Variants in TBC1D19 observed in about 807,000 individuals in gnomAD.
TBC1D19 encodes TBC1 domain family member 19, also known as TBC1 domain family, member 19.
A neutral mutation model predicts 89.0 loss-of-function variants in TBC1D19; 60 were observed. That is an observed-to-expected ratio of 0.67 (90% confidence interval 0.55 to 0.84). The LOEUF is 0.84. Ranked by LOEUF, TBC1D19 falls within the 40% of genes least tolerant of loss-of-function variation. The pLI, the probability that TBC1D19 is intolerant of heterozygous loss-of-function variation, is 0.00. For missense variants in TBC1D19, 500 were observed against 610.8 expected, an observed-to-expected ratio of 0.82 and a Z score of 1.91; for synonymous variants, 189 against 199.7, an observed-to-expected ratio of 0.95 and a Z score of 0.45.
the TBC1D19 span, among the ~76,000 whole-genome samples, chr4:26,769,722 T>G: frequency 1.3e-5 from 2 of 151,676 alleles, no homozygotes; most frequent in Non-Finnish European, 2.9e-5. Flanking sequence ...ATTTTTGTAT[T>G]TTTTTTGCAG....
At chr4:26,742,751 A>G (rs540118841) in intron 18 of TBC1D19, 152 bp downstream of exon 18, 1 of 515,422 alleles carries the variant, frequency 1.9e-6, no homozygotes, top group African/African-American at 2.0e-5. Context: ...AGTAAATTGT[A>G]ATAACATTGT....
At chr4:26,761,088 G>A (rs1719444410), downstream of TBC1D19, among the ~76,000 whole-genome samples, 2 of 152,084 alleles carry the variant, frequency 1.3e-5, no homozygotes, top group South Asian at 4.1e-4. Flanking sequence ...TTTCAATATT[G>A]CACTCTCTTG....
chr4:26,677,530 C>T (rs1303597646), intron 11 of TBC1D19, among the ~76,000 whole-genome samples: 1 of 152,056 alleles, frequency 6.6e-6, no homozygotes, highest in Non-Finnish European at 1.5e-5. Context: ...ACCATGTTAG[C>T]CAGGATGGTC....
intron 7 of TBC1D19, among the ~76,000 whole-genome samples, chr4:26,655,282 A>C (rs551832587): frequency 3.9e-5 from 6 of 152,314 alleles, no homozygotes; most frequent in Non-Finnish European, 5.9e-5. Context: ...GTCTGCCCCT[A>C]CTGGGGCGTG....
In TBC1D19 at chr4:26,727,526, A is replaced by G. The variant is rs150950019; in HGVS notation, c.1084+7401A>G. Among the ~76,000 whole-genome samples the G allele has an allele frequency of 3.8e-3, 586 of 152,364 alleles. 2 individuals carry two copies. Among genetic ancestry groups the G allele is most frequent in the African/African-American group, 0.011 (478 of 41,594 alleles). ...ATAAAATAGGTATGGGTTATTGAGC[A>G]TCTGCTATGGACTGAACACCACACT... is the stretch of plus-strand genomic sequence containing the variant. On this transcript the variant is annotated intron_variant, in intron 15 of 20. Transcript: ENST00000264866.
chr4:26,713,420 T>A (rs1577973763), intron 13 of TBC1D19, among the ~76,000 whole-genome samples: 2 of 152,094 alleles, frequency 1.3e-5, no homozygotes, highest in East Asian at 3.9e-4. Context: ...GCAATATTAA[T>A]GTAAGTTAAT....
At chr4:26,655,762 C>T (rs1377597191) in intron 7 of TBC1D19, among the ~76,000 whole-genome samples, 1 of 152,176 alleles carries the variant, frequency 6.6e-6, no homozygotes, top group African/African-American at 2.4e-5. Flanking sequence ...TTTCCTGGTG[C>T]CATCTGTCAC....
the TBC1D19 span, among the ~76,000 whole-genome samples, chr4:26,845,010 A>G: frequency 6.6e-6 from 1 of 152,228 alleles, no homozygotes; most frequent in Non-Finnish European, 1.5e-5. Context: ...CACTTATTAT[A>G]ACAGACCATT....
intron 4 of TBC1D19, among the ~76,000 whole-genome samples, chr4:26,627,291 G>A (rs914803174): frequency 6.6e-6 from 1 of 152,068 alleles, no homozygotes; most frequent in African/African-American, 2.4e-5. Flanking sequence ...GTCTATCATT[G>A]TTGGACATTT....
At chr4:26,650,428 C>T (rs1744282990) in intron 7 of TBC1D19, among the ~76,000 whole-genome samples, 1 of 152,138 alleles carries the variant, frequency 6.6e-6, no homozygotes, top group Admixed American at 6.5e-5. Flanking sequence ...GATGGTATCT[C>T]ATTGTGGTTT....
intron 13 of TBC1D19, among the ~76,000 whole-genome samples, chr4:26,706,387 T>C (rs1024244286): frequency 2.0e-5 from 3 of 152,106 alleles, no homozygotes; most frequent in South Asian, 4.1e-4. Context: ...CGCAGTTTCA[T>C]TTCTTATTTT....
intron 11 of TBC1D19, among the ~76,000 whole-genome samples, chr4:26,677,714 GT>G (rs1208608683): frequency 6.6e-6 from 1 of 152,138 alleles, no homozygotes; most frequent in African/African-American, 2.4e-5. Flanking sequence ...CATGGGAGCA[GT>G]TTCTCCCATC....
the TBC1D19 span, among the ~76,000 whole-genome samples, chr4:26,835,726 C>T: frequency 1.3e-5 from 2 of 152,164 alleles, no homozygotes; most frequent in South Asian, 4.1e-4. Flanking sequence ...CTATTCTTTG[C>T]CCTGAAGTCA....
At chr4:26,598,189 G>A (rs1740354468) in intron 1 of TBC1D19, among the ~76,000 whole-genome samples, 1 of 152,144 alleles carries the variant, frequency 6.6e-6, no homozygotes, top group Non-Finnish European at 1.5e-5. Flanking sequence ...AGTATATACA[G>A]TCCATACATT....
chr4:26,848,739 GCTC>G, the TBC1D19 span, among the ~76,000 whole-genome samples: 5 of 152,274 alleles, frequency 3.3e-5, no homozygotes, highest in South Asian at 1.0e-3. Context: ...CTTTTCCAAA[GCTC>G]CTGTCCCACC....
the TBC1D19 span, among the ~76,000 whole-genome samples, chr4:26,826,315 T>C: frequency 6.6e-6 from 1 of 152,222 alleles, no homozygotes; most frequent in Non-Finnish European, 1.5e-5. Context: ...TTAACTCTAG[T>C]ATCAGGGAAT....
At chr4:26,640,095 C>T in intron 6 of TBC1D19, 46 bp from the exon 7 acceptor site, 1 of 1,281,590 alleles carries the variant, frequency 7.8e-7, no homozygotes, top group Non-Finnish European at 1.1e-6. Flanking sequence ...AATAAGCCTT[C>T]ATATATTATT....
At chr4:26,581,763 T>A (rs1739070416), upstream of TBC1D19, among the ~76,000 whole-genome samples, 2 of 152,212 alleles carry the variant, frequency 1.3e-5, no homozygotes, top group South Asian at 4.1e-4. Context: ...GCCACATAAT[T>A]CCTTTGGGAC....
intron 1 of TBC1D19, among the ~76,000 whole-genome samples, chr4:26,609,681 C>A (rs188727621): frequency 9.9e-5 from 15 of 152,138 alleles, no homozygotes; most frequent in African/African-American, 3.6e-4. Context: ...TGTGAAGGAC[C>A]AAGTATGCCC....
Sources: allele counts gnomAD v4.1 joint callset (sites outside exome capture counted in the v4.1 genomes callset), GRCh38; gene constraint gnomAD v4.1.1; transcripts MANE v1.5; gene names NCBI Gene and HGNC (gene_info 2026-07-23, HGNC 2026-07-21).